The following TNFRSF11A variants were observed in gnomAD, a reference collection of about 807,000 sequenced individuals.
TNFRSF11A encodes the protein TNF receptor superfamily member 11a.
A neutral mutation model predicts 55.7 loss-of-function variants in TNFRSF11A; 32 were observed. The ratio of observed to expected loss-of-function variants is 0.57; its 90% confidence interval spans 0.43 to 0.77. The LOEUF is 0.77. Among genes scored for constraint, TNFRSF11A ranks in the 30% least tolerant of loss-of-function variants. The pLI is 0.00. For missense variants in TNFRSF11A, 753 were observed against 809.8 expected (o/e 0.93, Z 0.85); for synonymous variants, 311 against 331.0 (o/e 0.94, Z 0.65).
rs562689512 is a variant in TNFRSF11A, at chr18:62,368,860, G to C, written c.943G>C (p.Gly315Arg). The change falls in exon 9 of 10, where the codon GGT becomes CGT. Residue 315 changes from glycine to arginine, a missense_variant. Gly to Arg is a moderately radical substitution (Grantham distance 125). Coordinates refer to ENST00000586569, the MANE Select transcript of TNFRSF11A (RefSeq NM_003839.4). Reference protein sequence around the residue: ...GGVCQGTCVGGGPYAQGEDAR... With the variant: ...GGVCQGTCVGRGPYAQGEDAR... ...TGTCTGTCAGGGCACATGTGTAGGAGGTGGTCCCTACGCACAAGGCGAAGA... is the reference window on the plus strand; with the variant it reads ...TGTCTGTCAGGGCACATGTGTAGGACGTGGTCCCTACGCACAAGGCGAAGA... 9 of 1,614,198 alleles carry C rather than the reference G, an allele frequency of 5.6e-6. 1 individual carries two copies. The South Asian group carries it at 9.9e-5, about 18-fold the overall frequency.
At chr18:62,367,850 A>G (rs1017780031) in intron 8 of TNFRSF11A, among the ~76,000 whole-genome samples, 43 of 133,266 alleles carry the variant, frequency 3.2e-4, no homozygotes, top group Non-Finnish European at 5.2e-4. Context: ...CTTGAGTGCA[A>G]TGGCGCAATC....
Position 62,385,115 on chromosome 18 carries a change from C to A in TNFRSF11A, c.*81C>A. 7.4e-7 allele frequency: 1 copy of A among 1,358,310 alleles called. No homozygotes were observed. The highest frequency in any genetic ancestry group is 9.5e-7 in the Non-Finnish European group (1 of 1,057,976). The allele number at this position is 1,358,310 out of a possible 1,614,324, so 84.1% of individuals were successfully genotyped here. On this transcript the variant is annotated 3_prime_UTR_variant, in exon 10 of 10. Transcript: ENST00000586569. ...CCGCAGCCTCTGCCCCAGCCCCGGC[C>A]ACCCAGGGATCGATCGGTACAGTCG...
Position 62,369,138 on chromosome 18 carries a change from C to T in TNFRSF11A, c.1221C>T (p.Pro407=), listed in dbSNP as rs2145356389. The part of the protein sequence containing the change: ...VGSESCNCTE[P]LCRTDWTPMS... ...CAGAAAGCTGCAACTGCACTGAGCCCCTGTGCAGGACTGATTGGACTCCCA... is the reference window on the plus strand; with the variant it reads ...CAGAAAGCTGCAACTGCACTGAGCCTCTGTGCAGGACTGATTGGACTCCCA... Residue 407 remains proline, a synonymous_variant, in exon 9 of 10, where the codon CCC becomes CCT. Transcript: ENST00000586569. 3 of 1,614,072 alleles carry T rather than the reference C, an allele frequency of 1.9e-6. No individual in the cohort carries two copies. Among genetic ancestry groups the T allele is most frequent in the African/African-American group, 2.7e-5 (2 of 75,062 alleles).
chr18:62,343,544 C>T (rs908513702), intron 1 of TNFRSF11A, among the ~76,000 whole-genome samples: 5 of 151,968 alleles, frequency 3.3e-5, no homozygotes, highest in Non-Finnish European at 7.4e-5. Context: ...CATGGCTTTG[C>T]GTAGGGAAAT....
intron 9 of TNFRSF11A, among the ~76,000 whole-genome samples, chr18:62,377,204 C>T (rs551814607): frequency 1.2e-4 from 19 of 152,282 alleles, no homozygotes; most frequent in African/African-American, 4.6e-4. Context: ...CGTGAGCCAC[C>T]GTGCCTGGCC....
chr18:62,335,149 AC>A (rs1219662517), intron 1 of TNFRSF11A, among the ~76,000 whole-genome samples: 1 of 104,608 alleles, frequency 9.6e-6, no homozygotes, highest in East Asian at 2.1e-4. Flanking sequence ...TTTTTTTGTT[AC>A]CCAGGCTGGA....
chr18:62,380,402 A>G (rs926544376), intron 9 of TNFRSF11A, among the ~76,000 whole-genome samples: 1 of 150,876 alleles, frequency 6.6e-6, no homozygotes, highest in Non-Finnish European at 1.5e-5. Context: ...AAATCTTTCT[A>G]GGTAACTGTC....
chr18:62,379,580 G>A (rs1258226997), intron 9 of TNFRSF11A, among the ~76,000 whole-genome samples: 1 of 152,192 alleles, frequency 6.6e-6, no homozygotes, highest in Non-Finnish European at 1.5e-5. Flanking sequence ...TGACACAACC[G>A]TGAAAGGTGG....
intron 9 of TNFRSF11A, among the ~76,000 whole-genome samples, chr18:62,373,452 C>CA (rs537667985): frequency 0.11 from 14,741 of 139,900 alleles, 912 homozygotes; most frequent in African/African-American, 0.16. Context: ...GACTCTGTCT[C>CA]AAAAAAAAAA....
chr18:62,380,521 C>G (rs928959193), intron 9 of TNFRSF11A, among the ~76,000 whole-genome samples: 6 of 150,232 alleles, frequency 4.0e-5, no homozygotes, highest in African/African-American at 1.5e-4. Flanking sequence ...ACTGCAAGCT[C>G]CGCCTCCTGG....
At chr18:62,337,757 T>C (rs1415193015) in intron 1 of TNFRSF11A, among the ~76,000 whole-genome samples, 4 of 152,218 alleles carry the variant, frequency 2.6e-5, no homozygotes, top group Admixed American at 6.5e-5. Flanking sequence ...TGTTTACTTA[T>C]AGTTGTTCTT....
At chr18:62,327,659 A>G (rs1191849166) in intron 1 of TNFRSF11A, among the ~76,000 whole-genome samples, 1 of 152,230 alleles carries the variant, frequency 6.6e-6, no homozygotes, top group Non-Finnish European at 1.5e-5. Flanking sequence ...ACACCAGGCA[A>G]GACTTCAGGA....
chr18:62,328,671 T>C (rs914695143), intron 1 of TNFRSF11A, among the ~76,000 whole-genome samples: 18 of 152,210 alleles, frequency 1.2e-4, no homozygotes, highest in African/African-American at 4.1e-4. Context: ...GTGGGTGCTC[T>C]GTGCCACCTT....
intron 6 of TNFRSF11A, 83 bp from the exon 7 acceptor site, chr18:62,361,597 G>A: frequency 7.4e-7 from 1 of 1,355,138 alleles, no homozygotes; most frequent in Non-Finnish European, 1.1e-6. Flanking sequence ...TGATTCTGAG[G>A]TTTGATTTAC....
At chr18:62,329,564 C>T (rs891637499) in intron 1 of TNFRSF11A, among the ~76,000 whole-genome samples, 1 of 152,178 alleles carries the variant, frequency 6.6e-6, no homozygotes, top group Non-Finnish European at 1.5e-5. Flanking sequence ...AGTTTAAGTT[C>T]AGCTCACCCT....
Position 62,369,468 on chromosome 18 carries a change from C to T in TNFRSF11A, c.1551C>T (p.Gly517=), listed in dbSNP as rs990757484. 2.5e-6 allele frequency: 4 copies of T among 1,607,542 alleles called. No individual in the cohort carries two copies. In the East Asian group the frequency reaches 8.9e-5, roughly 36 times the overall value. The change falls in exon 9 of 10, where the codon GGC becomes GGT. Residue 517 remains glycine (G), a synonymous_variant. Transcript: ENST00000586569. ...AGAGSGSSPG[G]QSPASGNVTG... is the part of the protein sequence containing the mutation. ...CCGGGTCTGGAAGCTCCCCTGGTGGCCAGTCCCCTGCATCTGGTAAGTGAC... is the reference window on the plus strand; with the variant it reads ...CCGGGTCTGGAAGCTCCCCTGGTGGTCAGTCCCCTGCATCTGGTAAGTGAC...
intron 1 of TNFRSF11A, among the ~76,000 whole-genome samples, chr18:62,341,330 A>T (rs2046307365): frequency 6.6e-6 from 1 of 152,080 alleles, no homozygotes; most frequent in African/African-American, 2.4e-5. Flanking sequence ...TAACGCATGC[A>T]TTTTTTCCTA....
chr18:62,355,780 A>C (rs1171769540), intron 4 of TNFRSF11A, among the ~76,000 whole-genome samples: 1 of 152,238 alleles, frequency 6.6e-6, no homozygotes, highest in Admixed American at 6.5e-5. Flanking sequence ...TTTGTGGCTA[A>C]ATATTACTTC....
rs1256795265 is a variant in TNFRSF11A at position 62,366,629 on chromosome 18, T to C, written c.731-79T>C. 2.1e-6 allele frequency: 3 copies of C among 1,448,238 alleles called. No homozygotes were observed. In the Admixed American group the frequency reaches 5.0e-5, roughly 24 times the overall value. The allele number at this position is 1,448,238 out of a possible 1,614,324, so 89.7% of individuals were successfully genotyped here. On this transcript the variant is annotated intron_variant, in intron 7 of 9. Coordinates refer to ENST00000586569, the MANE Select transcript of TNFRSF11A (RefSeq NM_003839.4). ...TATAACATGTTGTATACCTTAAATA[T>C]ACATAATAACCTTTATTTAAAAGAA...
Sources: gnomAD v4.1 joint callset for allele counts (sites outside exome capture counted in the v4.1 genomes callset) on GRCh38, gnomAD v4.1.1 for gene constraint, MANE v1.5 for transcripts, NCBI Gene and HGNC (gene_info 2026-07-23, HGNC 2026-07-21) for gene names.